The following AUTS2 variants were observed in gnomAD, a reference collection of about 807,000 sequenced individuals.
AUTS2 encodes autism susceptibility gene 2 protein.
AUTS2 carries 17 observed loss-of-function variants against 112.4 expected under a neutral mutation model. The ratio of observed to expected loss-of-function variants is 0.15; its 90% confidence interval spans 0.10 to 0.23. The LOEUF (loss-of-function observed/expected upper bound fraction) is 0.23, where lower values mean the gene tolerates loss of function less well. AUTS2 is among the 10% of genes least tolerant of loss of function. The probability of loss-of-function intolerance (pLI) is 1.00; values close to 1 mark genes in which losing one functional copy is unlikely to be tolerated. For missense variants in AUTS2, 1,510 were observed against 1,701.6 expected, an observed-to-expected ratio of 0.89 and a Z score of 1.98; for synonymous variants, 751 against 702.7, an observed-to-expected ratio of 1.07 and a Z score of -1.09.
chr7:69,730,274 T>C (rs1786733782), intron 1 of AUTS2, among the ~76,000 whole-genome samples: 1 of 152,114 alleles, frequency 6.6e-6, no homozygotes, highest in African/African-American at 2.4e-5. Context: ...TTTGTTCTTT[T>C]TTATTTTAGT....
At chr7:70,621,992 G>A (rs546932549) in intron 5 of AUTS2, among the ~76,000 whole-genome samples, 1 of 151,874 alleles carries the variant, frequency 6.6e-6, no homozygotes, top group South Asian at 2.1e-4. Context: ...GACTACAGGT[G>A]TGCGTCACGA....
Position 70,127,370 on chromosome 7 carries a change from G to A in AUTS2, c.625-7166G>A, listed in dbSNP as rs190618688. Among the ~76,000 whole-genome samples the A allele has an allele frequency of 4.7e-4, 72 of 152,208 alleles. 1 individual carries two copies. The highest frequency in any genetic ancestry group is 2.9e-5 in the Non-Finnish European group (2 of 68,024). The stretch of plus-strand genomic sequence containing the variant: ...GCTGGTCTCGAGCTCCTGGCCTCAG[G>A]TAATCCACCCTCCTCAGCCCCCTCC... On this transcript the variant is annotated intron_variant, in intron 3 of 18. Transcript: ENST00000342771.
intron 1 of AUTS2, among the ~76,000 whole-genome samples, chr7:69,805,265 T>C (rs930989684): frequency 5.3e-5 from 8 of 152,234 alleles, no homozygotes; most frequent in Non-Finnish European, 1.0e-4. Flanking sequence ...GGCAAGTGCT[T>C]TGCTCAATGT....
At chr7:70,108,819 C>G (rs1026399581) in intron 2 of AUTS2, among the ~76,000 whole-genome samples, 1 of 140,096 alleles carries the variant, frequency 7.1e-6, no homozygotes, top group Non-Finnish European at 1.5e-5. Context: ...AAAAAATAGC[C>G]GAGGATGGTA....
chr7:70,517,132 G>T (rs1476906100), intron 5 of AUTS2, among the ~76,000 whole-genome samples: 1 of 152,140 alleles, frequency 6.6e-6, no homozygotes, highest in Non-Finnish European at 1.5e-5. Context: ...CTGAATAAGG[G>T]ATTTGTTTTC....
At chr7:70,620,746 G>T (rs946832674) in intron 5 of AUTS2, among the ~76,000 whole-genome samples, 3 of 152,192 alleles carry the variant, frequency 2.0e-5, no homozygotes, top group African/African-American at 7.2e-5. Context: ...TTAGGGAGAA[G>T]AACTCCACTG....
intron 5 of AUTS2, among the ~76,000 whole-genome samples, chr7:70,641,825 G>A (rs1006382577): frequency 6.6e-6 from 1 of 152,178 alleles, no homozygotes; most frequent in Non-Finnish European, 1.5e-5. Context: ...TCTTAGTTCT[G>A]TTTCTTGTCA....
At chr7:69,793,604 G>A (rs1334550336) in intron 1 of AUTS2, among the ~76,000 whole-genome samples, 1 of 152,088 alleles carries the variant, frequency 6.6e-6, no homozygotes, top group African/African-American at 2.4e-5. Flanking sequence ...CTTTGGGCAG[G>A]GTGTAGGGCA....
At chr7:70,410,157 G>C (rs979466308) in intron 4 of AUTS2, among the ~76,000 whole-genome samples, 1 of 152,118 alleles carries the variant, frequency 6.6e-6, no homozygotes, top group Non-Finnish European at 1.5e-5. Context: ...CATCAGGTGG[G>C]ATTAATTTTG....
At chr7:70,151,403 G>A (rs1322412372) in intron 4 of AUTS2, among the ~76,000 whole-genome samples, 4 of 152,182 alleles carry the variant, frequency 2.6e-5, no homozygotes, top group Non-Finnish European at 2.9e-5. Flanking sequence ...CAAGTACATA[G>A]TAGGGTCTTG....
intron 4 of AUTS2, among the ~76,000 whole-genome samples, chr7:70,145,780 G>A (rs1013633571): frequency 6.6e-6 from 1 of 152,072 alleles, no homozygotes; most frequent in Non-Finnish European, 1.5e-5. Flanking sequence ...TGTGCATTGA[G>A]TGTCATTACA....
chr7:70,050,823 C>T (rs1263149512), intron 2 of AUTS2, among the ~76,000 whole-genome samples: 2 of 152,068 alleles, frequency 1.3e-5, no homozygotes, highest in Non-Finnish European at 2.9e-5. Context: ...GGCGAAACCC[C>T]ACCTCTACTA....
intron 6 of AUTS2, among the ~76,000 whole-genome samples, chr7:70,715,312 G>T (rs1810299473): frequency 6.6e-6 from 1 of 152,252 alleles, no homozygotes; most frequent in Middle Eastern, 3.4e-3. Flanking sequence ...CAATTGGAGG[G>T]ACAAAATATC....
intron 1 of AUTS2, among the ~76,000 whole-genome samples, chr7:69,649,914 A>G (rs562978441): frequency 2.0e-5 from 3 of 152,322 alleles, no homozygotes; most frequent in Admixed American, 6.5e-5. Context: ...AGTGCCTTCT[A>G]AGAAATATAC....
intron 6 of AUTS2, among the ~76,000 whole-genome samples, chr7:70,756,442 G>T (rs993104021): frequency 2.0e-5 from 3 of 152,026 alleles, no homozygotes; most frequent in African/African-American, 4.8e-5. Context: ...ATAATAATAA[G>T]AAATATTTTA....
At position 70,677,705 on chromosome 7, in the gene AUTS2, G is replaced by A. The variant is rs111487665; in HGVS notation, c.691-20864G>A. ...CCCAAGGTTCTGGGATTATAGGCATGAGCCACTGCAGCCCACCTCGGGTGA... is the reference window on the plus strand; with the variant it reads ...CCCAAGGTTCTGGGATTATAGGCATAAGCCACTGCAGCCCACCTCGGGTGA... On this transcript the variant is annotated intron_variant, in intron 5 of 18. Coordinates refer to ENST00000342771, the MANE Select transcript of AUTS2 (RefSeq NM_015570.4). 7.5e-3 allele frequency among the ~76,000 whole-genome samples: 1,134 copies of A among 152,184 alleles called. 10 individuals are homozygous for A. Among genetic ancestry groups the A allele is most frequent in the African/African-American group, 0.026 (1,092 of 41,544 alleles).
chr7:70,089,674 T>C (rs1803806076), intron 2 of AUTS2, among the ~76,000 whole-genome samples: 1 of 152,194 alleles, frequency 6.6e-6, no homozygotes, highest in Non-Finnish European at 1.5e-5. Flanking sequence ...CTGTATTCTT[T>C]ACTTACTTTT....
intron 14 of AUTS2, among the ~76,000 whole-genome samples, chr7:70,780,362 G>GATAA (rs1293037481): frequency 1.3e-5 from 2 of 151,976 alleles, no homozygotes; most frequent in East Asian, 3.9e-4. Context: ...CCTGAGGATA[G>GATAA]ATAAATAAGA....
chr7:70,035,588 G>C (rs1295766325), intron 2 of AUTS2, among the ~76,000 whole-genome samples: 2 of 152,176 alleles, frequency 1.3e-5, no homozygotes, highest in Non-Finnish European at 2.9e-5. Context: ...TTGTACTTTA[G>C]TATAAGCAGC....
Sources: allele counts gnomAD v4.1 joint callset (sites outside exome capture counted in the v4.1 genomes callset), GRCh38; gene constraint gnomAD v4.1.1; transcripts MANE v1.5; gene names NCBI Gene and HGNC (gene_info 2026-07-23, HGNC 2026-07-21).